Variants in ZFPM2 observed in about 807,000 individuals in gnomAD.
The protein encoded by ZFPM2 is zinc finger protein, FOG family member 2.
Under a neutral mutation model 98.6 loss-of-function variants are expected in ZFPM2, and 20 were observed. The observed-to-expected ratio is 0.20, with a 90% CI of 0.14 to 0.29. ZFPM2 has a LOEUF of 0.29. Among genes scored for constraint, ZFPM2 ranks in the 10% least tolerant of loss-of-function variants. ZFPM2 has a pLI of 1.00. For synonymous variants in ZFPM2, 518 were observed against 502.7 expected (o/e 1.03, Z -0.41); for missense variants, 1,310 against 1,388.6 (o/e 0.94, Z 0.90).
intron 3 of ZFPM2, among the ~76,000 whole-genome samples, chr8:105,526,097 A>G (rs1462021361): frequency 6.6e-6 from 1 of 152,196 alleles, no homozygotes; most frequent in Admixed American, 6.5e-5. Context: ...TGAGGTGGCA[A>G]CGCTGTTGTT....
chr8:105,641,318 G>A (rs1295675720), intron 5 of ZFPM2, among the ~76,000 whole-genome samples: 3 of 151,960 alleles, frequency 2.0e-5, no homozygotes, highest in African/African-American at 7.2e-5. Context: ...GTAATTGATT[G>A]CAGAGCACCA....
intron 3 of ZFPM2, among the ~76,000 whole-genome samples, chr8:105,540,344 A>G (rs1814549834): frequency 6.6e-6 from 1 of 152,092 alleles, no homozygotes; most frequent in African/African-American, 2.4e-5. Flanking sequence ...ACTGAATGTC[A>G]TCAAGCCTTA....
chr8:105,431,921 C>CAA (rs150549199), intron 2 of ZFPM2, among the ~76,000 whole-genome samples: 1 of 133,458 alleles, frequency 7.5e-6, no homozygotes, highest in African/African-American at 3.3e-5. Flanking sequence ...GACTGTGTCT[C>CAA]AAAAAAAAGA....
chr8:105,764,710 C>T (rs1200204078), intron 5 of ZFPM2, among the ~76,000 whole-genome samples: 3 of 151,544 alleles, frequency 2.0e-5, no homozygotes, highest in African/African-American at 4.8e-5. Context: ...TGGTTCATTG[C>T]TATACTTGAT....
At chr8:105,709,835 A>T (rs770442894) in intron 5 of ZFPM2, among the ~76,000 whole-genome samples, 14 of 152,164 alleles carry the variant, frequency 9.2e-5, no homozygotes, top group Non-Finnish European at 1.8e-4. Flanking sequence ...ACTCTCTTCT[A>T]AGGTTTTGGA....
chr8:105,478,739 T>G (rs1480493947), intron 3 of ZFPM2, among the ~76,000 whole-genome samples: 1 of 152,232 alleles, frequency 6.6e-6, no homozygotes, highest in Non-Finnish European at 1.5e-5. Flanking sequence ...AAGCATCTTT[T>G]TCCTAAACTG....
chr8:105,685,550 C>T (rs1343648509), intron 5 of ZFPM2, among the ~76,000 whole-genome samples: 1 of 151,822 alleles, frequency 6.6e-6, no homozygotes, highest in African/African-American at 2.4e-5. Context: ...TTTTTTATGA[C>T]ACTTTATGAG....
At chr8:105,585,792 C>T (rs1455475942) in intron 4 of ZFPM2, among the ~76,000 whole-genome samples, 8 of 151,878 alleles carry the variant, frequency 5.3e-5, no homozygotes, top group Admixed American at 6.6e-5. Flanking sequence ...ACGATCATGC[C>T]GTTGCACTCC....
At chr8:105,471,027 A>G (rs1812892843) in intron 3 of ZFPM2, among the ~76,000 whole-genome samples, 1 of 152,094 alleles carries the variant, frequency 6.6e-6, no homozygotes, top group Admixed American at 6.5e-5. Flanking sequence ...TGCTTATTAC[A>G]TATTGAAAAT....
chr8:105,444,628 G>T (rs1183155166), intron 3 of ZFPM2, among the ~76,000 whole-genome samples: 5 of 151,890 alleles, frequency 3.3e-5, no homozygotes, highest in Non-Finnish European at 7.4e-5. Flanking sequence ...TGTAAAATTA[G>T]TCAATTCTAC....
intron 1 of ZFPM2, among the ~76,000 whole-genome samples, chr8:105,416,719 A>G (rs1311661891): frequency 6.6e-6 from 1 of 151,928 alleles, no homozygotes; most frequent in Non-Finnish European, 1.5e-5. Flanking sequence ...TTATGTAAAT[A>G]AAAATAATAG....
chr8:105,510,316 G>A (rs1276136312), intron 3 of ZFPM2, among the ~76,000 whole-genome samples: 2 of 151,508 alleles, frequency 1.3e-5, no homozygotes, highest in African/African-American at 4.8e-5. Context: ...AGAAAAGCAA[G>A]AACAACTTTA....
chr8:105,698,828 A>G (rs1811076239), intron 5 of ZFPM2, among the ~76,000 whole-genome samples: 2 of 152,176 alleles, frequency 1.3e-5, no homozygotes, highest in South Asian at 4.1e-4. Flanking sequence ...TGTTTAGATT[A>G]CCTGCATACT....
intron 2 of ZFPM2, among the ~76,000 whole-genome samples, chr8:105,425,768 C>T (rs1380625865): frequency 6.6e-6 from 1 of 152,138 alleles, no homozygotes; most frequent in Non-Finnish European, 1.5e-5. Context: ...TGGCATTAAT[C>T]CCTCCCTGCC....
At chr8:105,506,720 A>C (rs916603944) in intron 3 of ZFPM2, among the ~76,000 whole-genome samples, 1 of 152,186 alleles carries the variant, frequency 6.6e-6, no homozygotes, top group Non-Finnish European at 1.5e-5. Flanking sequence ...AACAGGGTTG[A>C]AAGTAGATAC....
At chr8:105,508,556 C>T (rs180953753) in intron 3 of ZFPM2, among the ~76,000 whole-genome samples, 168 of 152,198 alleles carry the variant, frequency 1.1e-3, no homozygotes, top group East Asian at 7.7e-4. Flanking sequence ...TGCAGGCAGG[C>T]GCCTCCTCCC....
chr8:105,328,172 C>A (rs548147069), intron 1 of ZFPM2, among the ~76,000 whole-genome samples: 18 of 151,720 alleles, frequency 1.2e-4, no homozygotes, highest in Non-Finnish European at 2.4e-4. Context: ...TGGATAAATT[C>A]TGTGAAGAAA....
chr8:105,715,822 T>G lies in ZFPM2; in HGVS notation c.533-72896T>G, dbSNP rs1811511178. 2.0e-5 allele frequency among the ~76,000 whole-genome samples: 3 copies of G among 152,172 alleles called. No individual in the cohort carries two copies. The South Asian group carries it at 6.2e-4, about 32-fold the overall frequency. On this transcript the variant is annotated intron_variant, in intron 5 of 7. Coordinates refer to ENST00000407775, the MANE Select transcript of ZFPM2 (RefSeq NM_012082.4). ...ACAGGGAACAAGCATTGTAGATTCTTGGACTTTGCCCCAGACCTCCTGATT... is the reference window on the plus strand; with the variant it reads ...ACAGGGAACAAGCATTGTAGATTCTGGGACTTTGCCCCAGACCTCCTGATT...
chr8:105,673,781 T>C (rs1230623474), intron 5 of ZFPM2, among the ~76,000 whole-genome samples: 1 of 152,222 alleles, frequency 6.6e-6, no homozygotes, highest in Non-Finnish European at 1.5e-5. Context: ...TTCTGAGCCT[T>C]ATTCTATTGC....
Sources: gnomAD v4.1 joint callset for allele counts (sites outside exome capture counted in the v4.1 genomes callset) on GRCh38, gnomAD v4.1.1 for gene constraint, MANE v1.5 for transcripts, NCBI Gene and HGNC (gene_info 2026-07-23, HGNC 2026-07-21) for gene names.